Variants in BAALC observed in about 807,000 individuals in gnomAD.
BAALC encodes the protein brain and acute leukemia cytoplasmic protein.
In BAALC, 9 loss-of-function variants were observed where a neutral mutation model predicts 15.5. The observed-to-expected ratio is 0.58, with a 90% CI of 0.35 to 1.02. The LOEUF is 1.02. Ranked by LOEUF, BAALC falls within the 50% of genes least tolerant of loss-of-function variation. The pLI is 0.02. For synonymous variants in BAALC, 80 were observed against 74.6 expected (o/e 1.07, Z -0.37); for missense variants, 201 against 192.4 (o/e 1.04, Z -0.27).
At chr8:103,173,754 T>C (rs996466960) in intron 1 of BAALC, among the ~76,000 whole-genome samples, 11 of 152,326 alleles carry the variant, frequency 7.2e-5, no homozygotes, top group East Asian at 1.9e-4. Flanking sequence ...TCAATGATTC[T>C]ATGTCTCAAA....
At chr8:103,202,244 T>C (rs1046644461) in intron 1 of BAALC, among the ~76,000 whole-genome samples, 2 of 152,172 alleles carry the variant, frequency 1.3e-5, no homozygotes, top group African/African-American at 4.8e-5. Flanking sequence ...GTGATTATAA[T>C]TGAAGATAGG....
At chr8:103,193,375 G>A (rs1001751786) in intron 1 of BAALC, among the ~76,000 whole-genome samples, 2 of 152,300 alleles carry the variant, frequency 1.3e-5, no homozygotes, top group Middle Eastern at 3.4e-3. Context: ...TGGCCAACTT[G>A]GCAGAGTTGA....
At chr8:103,143,358 C>T (rs141348077) in intron 1 of BAALC, among the ~76,000 whole-genome samples, 95 of 152,278 alleles carry the variant, frequency 6.2e-4, no homozygotes, top group African/African-American at 2.2e-3. Flanking sequence ...CACCTAACAG[C>T]CCCCAGTGGC....
chr8:103,190,837 T>G (rs879635067), intron 1 of BAALC: 7 of 151,870 alleles, frequency 4.6e-5, no homozygotes, highest in Non-Finnish European at 7.4e-5. Flanking sequence ...GTATAGAGAG[T>G]CGGCAAATCC....
intron 1 of BAALC, among the ~76,000 whole-genome samples, chr8:103,155,729 ATC>A (rs908117677): frequency 1.2e-4 from 18 of 152,202 alleles, no homozygotes; most frequent in African/African-American, 4.3e-4. Flanking sequence ...CACCTGGGGA[ATC>A]TCAAACAAAC....
Position 103,223,703 on chromosome 8 carries a change from C to T in BAALC, c.328-4286C>T, listed in dbSNP as rs115650009. Among the ~76,000 whole-genome samples, 1,075 of 152,266 alleles carry T rather than the reference C, an allele frequency of 7.1e-3. 14 individuals carry two copies. The highest frequency in any genetic ancestry group is 0.024 in the African/African-American group (1,007 of 41,540). On this transcript the variant is annotated intron_variant, in intron 2 of 2. Transcript: ENST00000309982. ...CTCTTAAATAGGCTTGGAAATCCAA[C>T]TACTGGATTTTTTGCTTAGATTTTT... is the stretch of plus-strand genomic sequence containing the variant.
intron 2 of BAALC, among the ~76,000 whole-genome samples, chr8:103,214,293 T>A (rs1671686200): frequency 6.6e-6 from 1 of 152,180 alleles, no homozygotes; most frequent in African/African-American, 2.4e-5. Flanking sequence ...AAAAACAACT[T>A]TAAGCAACTG....
In BAALC at chr8:103,213,043, A is replaced by G. The variant is rs376529890; in HGVS notation, c.285A>G (p.Ser95=). The G allele has an allele frequency of 3.7e-6, 6 of 1,614,038 alleles. No homozygotes were observed. In the African/African-American group the frequency reaches 6.7e-5, roughly 18 times the overall value. ...GCCCAAATCCCCAGAGCCTCAGCTCAGGCCCTCTGACCCAGAAACAGAATG... is the reference window on the plus strand; with the variant it reads ...GCCCAAATCCCCAGAGCCTCAGCTCGGGCCCTCTGACCCAGAAACAGAATG... ...TQCPNPQSLS[S]GPLTQKQNGL... Residue 95 remains serine (S), a synonymous_variant, in exon 2 of 3, where the codon TCA becomes TCG. Transcript: ENST00000309982.
intron 1 of BAALC, among the ~76,000 whole-genome samples, chr8:103,188,191 C>T (rs1811888268): frequency 6.6e-6 from 1 of 152,148 alleles, no homozygotes; most frequent in Non-Finnish European, 1.5e-5. Context: ...AAAGGCCCTC[C>T]CTTTGCCATG....
At chr8:103,199,851 C>G (rs1036265478) in intron 1 of BAALC, among the ~76,000 whole-genome samples, 1 of 152,082 alleles carries the variant, frequency 6.6e-6, no homozygotes, top group Non-Finnish European at 1.5e-5. Flanking sequence ...GTTGTTTCCC[C>G]CTATGTGTCC....
intron 1 of BAALC, chr8:103,165,442 A>G (rs1322487714): frequency 6.6e-6 from 1 of 152,198 alleles, no homozygotes; most frequent in Non-Finnish European, 1.5e-5. Context: ...TATGAGCACA[A>G]GGGGAGTAAG....
At chr8:103,198,088 T>C (rs1432159813) in intron 1 of BAALC, 9 of 699,736 alleles carry the variant, frequency 1.3e-5, no homozygotes, top group Non-Finnish European at 2.1e-5. Context: ...TCCATCTACA[T>C]GTACTGTTAG....
intron 1 of BAALC, among the ~76,000 whole-genome samples, chr8:103,178,690 C>G (rs947665781): frequency 1.3e-5 from 2 of 151,974 alleles, no homozygotes; most frequent in Non-Finnish European, 2.9e-5. Flanking sequence ...AACCCTGTCT[C>G]TACTAAAAAT....
chr8:103,141,161 C>A, intron 1 of BAALC, 104 bp downstream of exon 1: 1 of 1,287,194 alleles, frequency 7.8e-7, no homozygotes, highest in Non-Finnish European at 1.0e-6. Context: ...GATGGCGCGG[C>A]GGGGGTGGCT....
At position 103,140,767 on chromosome 8, in the gene BAALC, A is replaced by T; in HGVS notation, c.-131A>T. ...CACCGCAGGAGCTCCGCGCGGCTGC[A>T]GCGCGGGCGGGAGCGGGGACGCGAT... On this transcript the variant is annotated 5_prime_UTR_variant, in exon 1 of 3. Transcript: ENST00000309982. The surrounding 1 kb of genome is among the most constrained non-coding windows in gnomAD (Gnocchi z 4.2). The T allele has an allele frequency of 1.3e-6, 1 of 796,160 alleles. No individual in the cohort carries two copies. The highest frequency in any genetic ancestry group is 1.6e-6 in the Non-Finnish European group (1 of 611,332). The allele number at this position is 796,160 out of a possible 1,614,324, so 49.3% of individuals were successfully genotyped here.
chr8:103,179,056 G>C (rs886313584), intron 1 of BAALC, among the ~76,000 whole-genome samples: 1 of 152,130 alleles, frequency 6.6e-6, no homozygotes, highest in Non-Finnish European at 1.5e-5. Flanking sequence ...CAAACCCATA[G>C]TCTTTGGGGT....
At chr8:103,215,373 G>GAAGAT (rs1240092926) in intron 2 of BAALC, among the ~76,000 whole-genome samples, 4 of 152,200 alleles carry the variant, frequency 2.6e-5, no homozygotes, top group Non-Finnish European at 5.9e-5. Flanking sequence ...TTTCTATTAA[G>GAAGAT]AAGATAGAAC....
At chr8:103,209,698 C>A (rs768221947) in intron 1 of BAALC, among the ~76,000 whole-genome samples, 9 of 152,196 alleles carry the variant, frequency 5.9e-5, no homozygotes, top group Non-Finnish European at 1.0e-4. Context: ...GTGATTAATA[C>A]ACAACTCACC....
At chr8:103,225,350 T>C (rs1812781369) in intron 2 of BAALC, among the ~76,000 whole-genome samples, 1 of 152,186 alleles carries the variant, frequency 6.6e-6, no homozygotes. Flanking sequence ...ACTAAAATTA[T>C]GTAGAGTCAA....
Sources: allele counts gnomAD v4.1 joint callset (sites outside exome capture counted in the v4.1 genomes callset), GRCh38; gene constraint gnomAD v4.1.1; non-coding constraint Gnocchi (gnomAD v3.1); transcripts MANE v1.5; gene names NCBI Gene and HGNC (gene_info 2026-07-23, HGNC 2026-07-21).